The following PITRM1 variants were observed in gnomAD, a reference collection of about 807,000 sequenced individuals.
PITRM1 encodes the protein presequence protease, mitochondrial.
In PITRM1, 100 loss-of-function variants were observed where a neutral mutation model predicts 129.9. The observed-to-expected ratio is 0.77, with a 90% CI of 0.65 to 0.91. The LOEUF (loss-of-function observed/expected upper bound fraction) is 0.91, where lower values mean the gene tolerates loss of function less well. PITRM1 is among the 40% of genes least tolerant of loss of function. The pLI, the probability that PITRM1 is intolerant of heterozygous loss-of-function variation, is 0.00. For missense variants in PITRM1, 1,471 were observed against 1,318.3 expected, an observed-to-expected ratio of 1.12 and a Z score of -1.79; for synonymous variants, 591 against 508.8, an observed-to-expected ratio of 1.16 and a Z score of -2.17.
intron 17 of PITRM1, 29 bp downstream of exon 17, chr10:3,148,142 G>A (rs761022599): frequency 2.2e-5 from 35 of 1,613,722 alleles, no homozygotes; most frequent in Middle Eastern, 1.6e-4. Context: ...GCTTCCCACC[G>A]CAGCAGTCGT....
At chr10:3,156,536 G>A (rs73579027) in intron 13 of PITRM1, among the ~76,000 whole-genome samples, 2 of 152,296 alleles carry the variant, frequency 1.3e-5, no homozygotes, top group African/African-American at 4.8e-5. Context: ...AGGCAACCAA[G>A]CACAACTGCC....
chr10:3,139,757 G>C (rs1198783591), intron 24 of PITRM1, among the ~76,000 whole-genome samples: 1 of 152,214 alleles, frequency 6.6e-6, no homozygotes, highest in East Asian at 1.9e-4. Context: ...AACCTCCCCA[G>C]GCTCAAGGGA....
At chr10:3,170,481 CTTGT>C (rs1047121827) in intron 1 of PITRM1, among the ~76,000 whole-genome samples, 14 of 152,154 alleles carry the variant, frequency 9.2e-5, no homozygotes, top group African/African-American at 3.1e-4. Flanking sequence ...TTAAATTCCC[CTTGT>C]TTAAGAGACA....
At chr10:3,150,400 G>A (rs546554674) in intron 15 of PITRM1, among the ~76,000 whole-genome samples, 8 of 151,616 alleles carry the variant, frequency 5.3e-5, no homozygotes, top group African/African-American at 1.9e-4. Flanking sequence ...ACTCACATGC[G>A]CCCACACACA....
chr10:3,166,974 A>G lies in PITRM1; in HGVS notation c.228T>C (p.Tyr76=), dbSNP rs376035210. The G allele has an allele frequency of 1.2e-6, 2 of 1,611,622 alleles. No homozygotes were observed. The highest frequency in any genetic ancestry group is 1.7e-6 in the Non-Finnish European group (2 of 1,178,636). ...TCGTGTCTTCTCTGGCCAGGTGTAAATACCTGGCTCCTGTGTCATCATGGG... is the reference window on the plus strand; with the variant it reads ...TCGTGTCTTCTCTGGCCAGGTGTAAGTACCTGGCTCCTGTGTCATCATGGG... The part of the protein sequence containing the change: ...KLTHDDTGAR[Y]LHLAREDTNN... Residue 76 remains tyrosine (Y), a synonymous_variant, in exon 3 of 27, where the codon TAT becomes TAC. Transcript: ENST00000224949.
upstream of PITRM1, chr10:3,172,822 C>A: frequency 9.2e-6 from 14 of 1,523,472 alleles, no homozygotes; most frequent in Non-Finnish European, 1.2e-5. Flanking sequence ...TAACCCGACG[C>A]AGGGCGCGGG....
chr10:3,141,634 G>T (rs1280136322), intron 23 of PITRM1: 1 of 469,486 alleles, frequency 2.1e-6, no homozygotes, highest in East Asian at 7.0e-5. Flanking sequence ...GACAGAAGGC[G>T]GGGCAGACAA....
chr10:3,154,910 C>T (rs1211887751), intron 14 of PITRM1, among the ~76,000 whole-genome samples: 1 of 152,196 alleles, frequency 6.6e-6, no homozygotes, highest in African/African-American at 2.4e-5. Context: ...CCTAGGTCGT[C>T]ATGTCATGCT....
chr10:3,148,036 C>A lies in PITRM1; in HGVS notation c.2020G>T (p.Asp674Tyr). 8 of 1,613,802 alleles carry A rather than the reference C, an allele frequency of 5.0e-6. No individual in the cohort carries two copies. Among genetic ancestry groups the A allele is most frequent in the Non-Finnish European group, 6.8e-6 (8 of 1,179,740 alleles). The part of the protein sequence containing the change: ...QGVLFSSLCL[D>Y]RNLPDMMQLW... ...TGCATCATGTCTGGCAGGTTTCGAT[C>A]CAGGCAGAGAGAGGAGAAAAGCACA... The change falls in exon 18 of 27, where the codon GAT (aspartate) becomes TAT (tyrosine). Residue 674 changes from aspartate (D) to tyrosine (Y), a missense_variant. Asp to Tyr is a radical substitution (Grantham distance 160, BLOSUM62 -3). Coordinates refer to ENST00000224949, the MANE Select transcript of PITRM1 (RefSeq NM_014889.4).
Position 3,143,434 on chromosome 10 carries a change from C to T in PITRM1, c.2600G>A (p.Gly867Asp), listed in dbSNP as rs1306567994. ...FLMPFPVNYV[G>D]ECIRTVPYTD... The stretch of plus-strand genomic sequence containing the variant: ...GTAGGGGACAGTTCGGATGCATTCA[C>T]CCACGTAATTCACCGGGAAGGGCAT... The change falls in exon 23 of 27, where the codon GGT becomes GAT. Residue 867 changes from glycine to aspartate, a missense_variant. By Grantham distance (94) the Gly-to-Asp change is moderately conservative. Coordinates refer to ENST00000224949, the MANE Select transcript of PITRM1 (RefSeq NM_014889.4). 5 of 1,613,686 alleles carry T rather than the reference C, an allele frequency of 3.1e-6. No homozygotes were observed. Among genetic ancestry groups the T allele is most frequent in the Non-Finnish European group, 4.2e-6 (5 of 1,179,724 alleles).
intron 24 of PITRM1, among the ~76,000 whole-genome samples, chr10:3,139,518 T>TC (rs1250779677): frequency 1.3e-5 from 2 of 151,846 alleles, no homozygotes; most frequent in Admixed American, 6.6e-5. Context: ...AGCCCAGCCC[T>TC]CCCTTCACCC....
At chr10:3,167,267 T>C (rs1354542355) in intron 2 of PITRM1, among the ~76,000 whole-genome samples, 1 of 126,622 alleles carries the variant, frequency 7.9e-6, no homozygotes, top group Non-Finnish European at 1.7e-5. Flanking sequence ...TGTGTGTGTG[T>C]GTATAGAAAG....
In PITRM1 at chr10:3,159,895, T is replaced by C. The variant is rs1842301484; in HGVS notation, c.960A>G (p.Thr320=). ...QITCGPDSFA[T]DPSKQTTISV... ...TGATGGTTGTTTGTTTAGAGGGATCTGTAGCAAATGAATCCGGGCCACATG... is the reference window on the plus strand; with the variant it reads ...TGATGGTTGTTTGTTTAGAGGGATCCGTAGCAAATGAATCCGGGCCACATG... The change falls in exon 9 of 27, where the codon ACA becomes ACG. Residue 320 remains threonine, a synonymous_variant. Coordinates refer to ENST00000224949, the MANE Select transcript of PITRM1 (RefSeq NM_014889.4). The C allele has an allele frequency of 6.2e-7, 1 of 1,605,656 alleles. No individual in the cohort carries two copies. Among genetic ancestry groups the C allele is most frequent in the East Asian group, 2.2e-5 (1 of 44,774 alleles).
At chr10:3,150,119 G>T (rs1454050049) in intron 15 of PITRM1, among the ~76,000 whole-genome samples, 12 of 151,688 alleles carry the variant, frequency 7.9e-5, no homozygotes, top group Admixed American at 7.9e-4. Flanking sequence ...TTCCCCAACA[G>T]GCCCTGCCAC....
Position 3,162,129 on chromosome 10 carries a change from GC to G in PITRM1, c.791+1595del, listed in dbSNP as rs1304294512. Among the ~76,000 whole-genome samples, 16 of 146,254 alleles carry G rather than the reference GC, an allele frequency of 1.1e-4. 1 individual carries two copies. Among genetic ancestry groups the G allele is most frequent in the Admixed American group, 2.8e-4 (4 of 14,310 alleles). Reference sequence around the variant, plus strand: ...GACAAGATCATGCCACTGTACTCCAGCCTGGGGGACAGAACCAGACCCTGTC... The same window carrying G: ...GACAAGATCATGCCACTGTACTCCAGCTGGGGGACAGAACCAGACCCTGTC... On this transcript the variant is annotated intron_variant, in intron 7 of 26. Transcript: ENST00000224949.
rs372227098 is a variant in PITRM1, at chr10:3,166,293, C to T, written c.354G>A (p.Pro118=). The change falls in exon 4 of 27, where the codon CCG becomes CCA. Residue 118 remains proline (P), a synonymous_variant. Coordinates refer to ENST00000224949, the MANE Select transcript of PITRM1 (RefSeq NM_014889.4). Reference sequence around the variant, plus strand: ...ACATTTTGAAGAAAGGGTCTCTGCACGGATATTTCTGAGACCCACAAAGGA... The same window carrying T: ...ACATTTTGAAGAAAGGGTCTCTGCATGGATATTTCTGAGACCCACAAAGGA... ...HTVLCGSQKY[P]CRDPFFKMLN... 2.3e-5 allele frequency: 37 copies of T among 1,611,310 alleles called. No homozygotes were observed. Among genetic ancestry groups the T allele is most frequent in the Middle Eastern group, 1.6e-4 (1 of 6,078 alleles).
At chr10:3,151,869 G>T (rs1841551526) in intron 14 of PITRM1, among the ~76,000 whole-genome samples, 1 of 152,084 alleles carries the variant, frequency 6.6e-6, no homozygotes, top group Non-Finnish European at 1.5e-5. Context: ...CTACGTGGCT[G>T]GGACTAGGGG....
In PITRM1 at chr10:3,145,583, C is replaced by G; in HGVS notation, c.2457+13G>C. 6.5e-7 allele frequency: 1 copy of G among 1,548,770 alleles called. No individual in the cohort carries two copies. The highest frequency in any genetic ancestry group is 8.7e-7 in the Non-Finnish European group (1 of 1,146,446). On this transcript the variant is annotated intron_variant, in intron 21 of 26. Transcript: ENST00000224949. ...CCAGGCGCTCACCGGGCGCCAGCAC[C>G]ACCAGTGCATACCTCGACCGTGTGT...
rs1275114652 is a variant in PITRM1, at chr10:3,155,641, T to A, written c.1571A>T (p.Gln524Leu). The A allele has an allele frequency of 6.2e-7, 1 of 1,613,964 alleles. No homozygotes were observed. The highest frequency in any genetic ancestry group is 8.5e-7 in the Non-Finnish European group (1 of 1,179,880). Residue 524 changes from glutamine to leucine, a missense_variant, in exon 14 of 27, where the codon CAG becomes CTG. Coordinates refer to ENST00000224949, the MANE Select transcript of PITRM1 (RefSeq NM_014889.4). The stretch of plus-strand genomic sequence containing the variant: ...TCCGGGGGACAGAGCCTCGACCTTC[T>A]GCTTGAGCTTCGTGGCTTCCACCTG... ...QAQVEATKLK[Q>L]KVEALSPGDR... is the part of the protein sequence containing the mutation.
Sources: gnomAD v4.1 joint callset for allele counts (sites outside exome capture counted in the v4.1 genomes callset) on GRCh38, gnomAD v4.1.1 for gene constraint, MANE v1.5 for transcripts, NCBI Gene and HGNC (gene_info 2026-07-23, HGNC 2026-07-21) for gene names.